ATP2B4: variants seen among roughly 807,000 people sequenced by gnomAD.
ATP2B4 encodes ATPase plasma membrane Ca2+ transporting 4.
Under a neutral mutation model 110.3 loss-of-function variants are expected in ATP2B4, and 39 were observed. The ratio of observed to expected loss-of-function variants is 0.35; its 90% CI spans 0.27 to 0.46. The LOEUF (loss-of-function observed/expected upper bound fraction) is 0.46. Among genes scored for constraint, ATP2B4 ranks in the 20% least tolerant of loss-of-function variants. The probability of loss-of-function intolerance (pLI) is 1.00; values close to 1 mark genes in which losing one functional copy is unlikely to be tolerated. For missense variants in ATP2B4, 1,135 were observed against 1,530.9 expected, an observed-to-expected ratio of 0.74 and a Z score of 4.32; for synonymous variants, 538 against 571.7, an observed-to-expected ratio of 0.94 and a Z score of 0.84.
intron 20 of ATP2B4, 22 bp from the exon 21 acceptor site, chr1:203,739,524 C>A (rs746428825): frequency 6.3e-7 from 1 of 1,597,008 alleles, no homozygotes. Flanking sequence ...TTCTCATCCT[C>A]CTTTTCCTTC....
At chr1:203,692,390 G>A (rs1049247590) in intron 2 of ATP2B4, among the ~76,000 whole-genome samples, 3 of 152,034 alleles carry the variant, frequency 2.0e-5, no homozygotes, top group African/African-American at 7.2e-5. Context: ...TATTGCCCCG[G>A]CTGGTCTCGA....
At chr1:203,695,292 G>A (rs1665500086) in intron 2 of ATP2B4, among the ~76,000 whole-genome samples, 1 of 152,196 alleles carries the variant, frequency 6.6e-6, no homozygotes, top group African/African-American at 2.4e-5. Flanking sequence ...TGGTCCCTGG[G>A]GAGAAAGGAC....
chr1:203,716,186 A>C (rs1666154120), intron 15 of ATP2B4, among the ~76,000 whole-genome samples: 2 of 145,064 alleles, frequency 1.4e-5, no homozygotes, highest in African/African-American at 5.0e-5. Context: ...ACTAAGATTC[A>C]TAACAGTGAT....
chr1:203,652,732 G>T (rs980077781), intron 1 of ATP2B4, among the ~76,000 whole-genome samples: 12 of 152,108 alleles, frequency 7.9e-5, no homozygotes, highest in Admixed American at 5.9e-4. Context: ...GTTACTAATA[G>T]AATTGTTTTG....
At chr1:203,674,702 G>C (rs58718991) in intron 1 of ATP2B4, among the ~76,000 whole-genome samples, 36,541 of 131,704 alleles carry the variant, frequency 0.28, 5,152 homozygotes, top group South Asian at 0.53. Flanking sequence ...TGTCTCCCAG[G>C]CTGGAGTGCA....
chr1:203,709,609 C>A, intron 11 of ATP2B4, 67 bp downstream of exon 11: 1 of 1,595,398 alleles, frequency 6.3e-7, no homozygotes, highest in Non-Finnish European at 8.6e-7. Context: ...GGTGCACACC[C>A]CACACTGAAC....
intron 1 of ATP2B4, among the ~76,000 whole-genome samples, chr1:203,665,791 C>T (rs1395559323): frequency 5.1e-5 from 5 of 98,930 alleles, no homozygotes; most frequent in Non-Finnish European, 1.1e-4. Context: ...CAGAGCTAGA[C>T]TCCATCTCAA....
intron 1 of ATP2B4, among the ~76,000 whole-genome samples, chr1:203,679,974 T>A (rs1258067490): frequency 6.7e-6 from 1 of 149,584 alleles, no homozygotes; most frequent in Non-Finnish European, 1.5e-5. Flanking sequence ...GGCGGGAGAA[T>A]CACTTGAACC....
intron 1 of ATP2B4, among the ~76,000 whole-genome samples, chr1:203,653,860 A>G (rs1045300623): frequency 2.6e-5 from 4 of 151,316 alleles, no homozygotes; most frequent in Non-Finnish European, 1.5e-5. Flanking sequence ...CCAGGCTTCT[A>G]GGGCCTTTAA....
Position 203,699,466 on chromosome 1 carries a change from G to A in ATP2B4, c.398G>A (p.Gly133Asp). The stretch of plus-strand genomic sequence containing the variant: ...CTCTCCCTTCCTGGGATAGTGTGTG[G>A]TCAAGTCGCAACTACCCCAGAAGAT... ...RPAGEENELC[G>D]QVATTPEDEN... The change falls in exon 4 of 21, where the codon GGT becomes GAT. Residue 133 changes from glycine to aspartate, a missense_variant. Physicochemically the swap from Gly to Asp is moderately conservative, Grantham distance 94. Around this residue, in one of 9 missense-constraint regions of ATP2B4, gnomAD observed 101 missense variants for 182.6 expected, o/e 0.55. Transcript: ENST00000357681. The A allele has an allele frequency of 6.2e-7, 1 of 1,614,094 alleles. No individual in the cohort carries two copies. Among genetic ancestry groups the A allele is most frequent in the Non-Finnish European group, 8.5e-7 (1 of 1,180,014 alleles).
At chr1:203,632,697 A>T (rs1005279900) in intron 1 of ATP2B4, among the ~76,000 whole-genome samples, 3 of 129,914 alleles carry the variant, frequency 2.3e-5, no homozygotes, top group Non-Finnish European at 3.3e-5. Context: ...TATTTTAAGT[A>T]AAAAAAAAAA....
chr1:203,689,438 A>G (rs1332010102), intron 2 of ATP2B4, among the ~76,000 whole-genome samples: 1 of 152,222 alleles, frequency 6.6e-6, no homozygotes, highest in Non-Finnish European at 1.5e-5. Context: ...TGGGCCCAGA[A>G]CAGAATGGGA....
intron 20 of ATP2B4, among the ~76,000 whole-genome samples, chr1:203,738,295 A>G (rs1325689437): frequency 6.6e-6 from 1 of 151,746 alleles, no homozygotes; most frequent in Non-Finnish European, 1.5e-5. Context: ...CCCCTACCCC[A>G]ATTCTACCAT....
At chr1:203,666,814 CCTT>C (rs1664518421) in intron 1 of ATP2B4, among the ~76,000 whole-genome samples, 3 of 152,162 alleles carry the variant, frequency 2.0e-5, no homozygotes, top group Admixed American at 1.3e-4. Context: ...CCCTTCCTGC[CCTT>C]CTTTTGAACC....
At chr1:203,632,299 C>T (rs1663292970) in intron 1 of ATP2B4, among the ~76,000 whole-genome samples, 1 of 150,388 alleles carries the variant, frequency 6.6e-6, no homozygotes. Context: ...AGACATAGTA[C>T]AGTATATAGT....
rs778114824 is a variant in ATP2B4 at position 203,700,932 on chromosome 1, C to T, written c.901+9C>T. ...GGAGAAAAAGAAGAAAGGTAAGGGG[C>T]ATCTGGAATGAGATTCTCTTTCCTC... On this transcript the variant is annotated intron_variant, in intron 6 of 20. Coordinates refer to ENST00000357681, the MANE Select transcript of ATP2B4 (RefSeq NM_001684.5). 43 of 1,610,512 alleles carry T rather than the reference C, an allele frequency of 2.7e-5. No individual in the cohort carries two copies. Among genetic ancestry groups the T allele is most frequent in the Non-Finnish European group, 3.7e-5 (43 of 1,177,938 alleles).
intron 9 of ATP2B4, 128 bp from the exon 10 acceptor site, chr1:203,707,734 A>C (rs533405354): frequency 6.1e-4 from 770 of 1,255,358 alleles, no homozygotes; most frequent in Non-Finnish European, 7.7e-4. Context: ...CCCAGTCAGT[A>C]TCTTGGATTT....
chr1:203,673,871 C>T (rs969700275), intron 1 of ATP2B4, among the ~76,000 whole-genome samples: 2 of 152,130 alleles, frequency 1.3e-5, no homozygotes, highest in African/African-American at 4.8e-5. Context: ...AACCAGGTCC[C>T]GACCCGGTAG....
At chr1:203,672,215 G>A (rs1175456646) in intron 1 of ATP2B4, among the ~76,000 whole-genome samples, 1 of 151,946 alleles carries the variant, frequency 6.6e-6, no homozygotes, top group Non-Finnish European at 1.5e-5. Context: ...TTCCCTTTTG[G>A]AAAGGAGCTC....
Sources: gnomAD v4.1 joint callset for allele counts (sites outside exome capture counted in the v4.1 genomes callset) on GRCh38, gnomAD v4.1.1 for gene constraint, gnomAD v4.1.1 regional missense constraint, MANE v1.5 for transcripts, NCBI Gene and HGNC (gene_info 2026-07-23, HGNC 2026-07-21) for gene names.